The following CFAP61 variants were observed in gnomAD, a reference collection of about 807,000 sequenced individuals.
The protein encoded by CFAP61 is cilia- and flagella-associated protein 61.
A neutral mutation model predicts 135.6 loss-of-function variants in CFAP61; 107 were observed. The observed-to-expected ratio is 0.79, with a 90% CI of 0.67 to 0.93. The LOEUF is 0.93. CFAP61 is among the 40% of genes least tolerant of loss of function. The probability of loss-of-function intolerance (pLI) is 0.00; values close to 1 mark genes in which losing one functional copy is unlikely to be tolerated. For synonymous variants in CFAP61, 575 were observed against 578.5 expected (o/e 0.99, Z 0.09); for missense variants, 1,507 against 1,556.2 (o/e 0.97, Z 0.53).
At chr20:20,052,743 A>C in intron 1 of CFAP61, 152 bp downstream of exon 1, 1 of 1,576,868 alleles carries the variant, frequency 6.3e-7, no homozygotes, top group African/African-American at 1.4e-5. Flanking sequence ...GTAAGAACGG[A>C]GCTCCAATCT....
chr20:20,330,701 T>C (rs1485055839), intron 25 of CFAP61, among the ~76,000 whole-genome samples: 1 of 152,118 alleles, frequency 6.6e-6, no homozygotes, highest in Non-Finnish European at 1.5e-5. Context: ...GACCAGACCA[T>C]GGGGGCTTCA....
chr20:20,130,994 T>C (rs898681608), intron 8 of CFAP61, among the ~76,000 whole-genome samples: 2 of 151,888 alleles, frequency 1.3e-5, no homozygotes, highest in African/African-American at 4.9e-5. Flanking sequence ...GGGAAGCTGG[T>C]TGTCCACCTC....
At chr20:20,076,456 A>G (rs1025923071) in intron 6 of CFAP61, among the ~76,000 whole-genome samples, 42 of 152,134 alleles carry the variant, frequency 2.8e-4, no homozygotes, top group African/African-American at 8.7e-4. Flanking sequence ...AGCCCCATAT[A>G]TCTACAGCAC....
rs1417351151 is a variant in CFAP61 at position 20,337,368 on chromosome 20, G to A, written c.3423-4463G>A. ...TGGGTGGGTGGGTGGATGGATGGAT[G>A]GATGGATGGATGGATGGATGGATGG... On this transcript the variant is annotated intron_variant, in intron 25 of 26. Coordinates refer to ENST00000245957, the MANE Select transcript of CFAP61 (RefSeq NM_015585.4). 7.5e-4 allele frequency among the ~76,000 whole-genome samples: 103 copies of A among 137,570 alleles called. 1 individual carries two copies. The highest frequency in any genetic ancestry group is 1.4e-3 in the African/African-American group (51 of 36,306). The allele number at this position is 137,570 out of a possible 152,430, so 90.3% of individuals were successfully genotyped here.
chr20:20,197,591 TCACA>T (rs924294902), intron 16 of CFAP61, among the ~76,000 whole-genome samples: 2 of 151,764 alleles, frequency 1.3e-5, no homozygotes, highest in African/African-American at 4.8e-5. Flanking sequence ...TACCACACTC[TCACA>T]CACACTCATG....
chr20:20,181,276 T>C (rs868500215), intron 13 of CFAP61, among the ~76,000 whole-genome samples: 4,551 of 144,574 alleles, frequency 0.031, 188 homozygotes, highest in African/African-American at 0.091. Context: ...TGTGTATGTA[T>C]ACACACACAC....
intron 17 of CFAP61, among the ~76,000 whole-genome samples, chr20:20,209,706 T>A (rs2047493395): frequency 6.6e-6 from 1 of 152,164 alleles, no homozygotes; most frequent in Admixed American, 6.5e-5. Flanking sequence ...TTACATTGAG[T>A]CCATTTGGGA....
intron 18 of CFAP61, among the ~76,000 whole-genome samples, chr20:20,242,439 G>A (rs2050083013): frequency 6.6e-6 from 1 of 152,248 alleles, no homozygotes; most frequent in African/African-American, 2.4e-5. Flanking sequence ...TTCTTCAGAA[G>A]TCTCTACTTA....
intron 7 of CFAP61, among the ~76,000 whole-genome samples, chr20:20,092,679 C>T (rs1217422506): frequency 1.2e-4 from 12 of 96,028 alleles, no homozygotes; most frequent in Admixed American, 9.3e-4. Flanking sequence ...TTCGAATAGA[C>T]ACTTTTAAAA....
At chr20:20,176,887 T>A (rs977245870) in intron 13 of CFAP61, among the ~76,000 whole-genome samples, 2 of 152,224 alleles carry the variant, frequency 1.3e-5, no homozygotes, top group African/African-American at 4.8e-5. Context: ...ATTAATTTTT[T>A]AAAAAGAACT....
rs1000968660 is a variant in CFAP61, at chr20:20,090,710, A to G, written c.567-134A>G. ...TCTCAAAAAAAAAAAAAAAAAAAAA[A>G]AAGAAGGAAAGTTGATATCATGAGT... is the stretch of plus-strand genomic sequence containing the variant. On this transcript the variant is annotated intron_variant, in intron 6 of 26. Transcript: ENST00000245957. 1.1e-4 allele frequency: 71 copies of G among 654,770 alleles called. 1 individual carries two copies. In the African/African-American group the frequency reaches 1.1e-3, roughly 10 times the overall value. The allele number at this position is 654,770 out of a possible 1,614,324, so 40.6% of individuals were successfully genotyped here.
chr20:20,307,942 A>G (rs1345338806), intron 25 of CFAP61, among the ~76,000 whole-genome samples: 3 of 152,240 alleles, frequency 2.0e-5, no homozygotes, highest in African/African-American at 7.2e-5. Flanking sequence ...CATTCTTAAT[A>G]TCATTTAAAA....
intron 7 of CFAP61, among the ~76,000 whole-genome samples, chr20:20,097,314 G>A (rs1345322204): frequency 1.3e-5 from 2 of 152,124 alleles, no homozygotes; most frequent in African/African-American, 4.8e-5. Context: ...CCCAGTAAAT[G>A]CAGGTTTCTA....
rs755740492 is a variant in CFAP61, at chr20:20,142,934, A to G, written c.937A>G (p.Met313Val). The part of the protein sequence containing the change: ...ELQEPVSPDT[M>V]ENIQGNIARE... ...GCAGGAACCTGTCTCTCCAGATACC[A>G]TGGAAAACATCCAGGTGAGAGAGAC... Residue 313 changes from methionine to valine, a missense_variant, in exon 9 of 27, where the codon ATG (methionine) becomes GTG (valine). By Grantham distance (21) the Met-to-Val change is conservative. Coordinates refer to ENST00000245957, the MANE Select transcript of CFAP61 (RefSeq NM_015585.4). 1.3e-6 allele frequency: 2 copies of G among 1,588,630 alleles called. No homozygotes were observed. The highest frequency in any genetic ancestry group is 1.3e-5 in the African/African-American group (1 of 74,478).
intron 8 of CFAP61, among the ~76,000 whole-genome samples, chr20:20,140,920 CTT>C (rs66785203): frequency 5.5e-4 from 79 of 143,160 alleles, no homozygotes; most frequent in Middle Eastern, 3.6e-3. Flanking sequence ...TTTTTTTTTC[CTT>C]TTTTTTTTTT....
At chr20:20,054,009 G>GGT (rs2044028425) in intron 1 of CFAP61, among the ~76,000 whole-genome samples, 1 of 88,854 alleles carries the variant, frequency 1.1e-5, no homozygotes, top group Non-Finnish European at 2.6e-5. Context: ...TGTTTTTTTT[G>GGT]TTTGTTTTTT....
At chr20:20,153,574 C>T (rs1338596552) in intron 9 of CFAP61, among the ~76,000 whole-genome samples, 1 of 151,960 alleles carries the variant, frequency 6.6e-6, no homozygotes, top group African/African-American at 2.4e-5. Flanking sequence ...TTCAAGACTG[C>T]TGTGAACACC....
chr20:20,360,037 T>C (rs1487014720), intron 26 of CFAP61, among the ~76,000 whole-genome samples, 173 bp from the exon 27 acceptor site: 1 of 152,168 alleles, frequency 6.6e-6, no homozygotes, highest in East Asian at 1.9e-4. Context: ...ATTATTAAAA[T>C]AAGACATGTT....
intron 6 of CFAP61, among the ~76,000 whole-genome samples, chr20:20,083,155 T>C (rs1180257581): frequency 1.3e-5 from 2 of 152,212 alleles, no homozygotes; most frequent in African/African-American, 2.4e-5. Flanking sequence ...GGAATACTAC[T>C]CAGCCATAAA....
Sources: gnomAD v4.1 joint callset for allele counts (sites outside exome capture counted in the v4.1 genomes callset) on GRCh38, gnomAD v4.1.1 for gene constraint, MANE v1.5 for transcripts, NCBI Gene and HGNC (gene_info 2026-07-23, HGNC 2026-07-21) for gene names.